The following MYZAP variants were observed in gnomAD, a reference collection of about 807,000 sequenced individuals.
MYZAP encodes the protein GRINL1A complex locus upstream.
MYZAP carries 66 observed loss-of-function variants against 69.4 expected under a neutral mutation model. That is an observed-to-expected ratio of 0.95 (90% CI 0.78 to 1.17). The LOEUF (loss-of-function observed/expected upper bound fraction) is 1.17, where lower values mean the gene tolerates loss of function less well. MYZAP is among the 50% of genes most tolerant of loss of function. The probability of loss-of-function intolerance (pLI) is 0.00; values close to 1 mark genes in which losing one functional copy is unlikely to be tolerated. For missense variants in MYZAP, 611 were observed against 556.2 expected, an observed-to-expected ratio of 1.10 and a Z score of -0.99; for synonymous variants, 256 against 205.9, an observed-to-expected ratio of 1.24 and a Z score of -2.09.
At chr15:57,670,591 A>T (rs1214633467) in intron 11 of MYZAP, among the ~76,000 whole-genome samples, 3 of 152,008 alleles carry the variant, frequency 2.0e-5, no homozygotes, top group African/African-American at 7.2e-5. Flanking sequence ...AATTATATTT[A>T]TATGATTGGA....
intron 10 of MYZAP, chr15:57,646,206 C>T (rs1378784915): frequency 7.8e-7 from 1 of 1,289,324 alleles, no homozygotes; most frequent in South Asian, 1.2e-5. Flanking sequence ...TGGTAGCCTG[C>T]TCTGGGTTGG....
At chr15:57,647,680 G>C (rs1201429974) in intron 10 of MYZAP, 1 of 985,270 alleles carries the variant, frequency 1.0e-6, no homozygotes, top group Non-Finnish European at 1.2e-6. Context: ...GAGGTTCCTA[G>C]AGTACTGCAT....
At chr15:57,668,196 A>G (rs1483232528) in intron 11 of MYZAP, among the ~76,000 whole-genome samples, 1 of 152,328 alleles carries the variant, frequency 6.6e-6, no homozygotes, top group African/African-American at 2.4e-5. Context: ...GACAAAATAC[A>G]TTTGAGTTGT....
chr15:57,608,183 C>G (rs1289585808), intron 2 of MYZAP, among the ~76,000 whole-genome samples: 1 of 152,180 alleles, frequency 6.6e-6, no homozygotes, highest in African/African-American at 2.4e-5. Context: ...ATGAGGGCAG[C>G]CTGGGCCTTC....
chr15:57,595,446 T>C (rs2033992707), intron 1 of MYZAP, among the ~76,000 whole-genome samples: 1 of 152,154 alleles, frequency 6.6e-6, no homozygotes, highest in African/African-American at 2.4e-5. Flanking sequence ...CTTCATGCTT[T>C]TGAAAGGAAT....
At chr15:57,597,553 G>C (rs2034142157) in intron 1 of MYZAP, among the ~76,000 whole-genome samples, 1 of 152,192 alleles carries the variant, frequency 6.6e-6, no homozygotes, top group South Asian at 2.1e-4. Context: ...CGCACTCCAA[G>C]TCACACTGGC....
At chr15:57,655,744 C>T (rs1253082300) in intron 10 of MYZAP, among the ~76,000 whole-genome samples, 2 of 152,154 alleles carry the variant, frequency 1.3e-5, no homozygotes, top group South Asian at 2.1e-4. Context: ...CATATTCAGT[C>T]TGAGTTACAA....
Position 57,675,070 on chromosome 15 carries a change from T to A in MYZAP, c.1304+2T>A. ...AGTGGGCTGTGATCTTCTACCCAGG[T>A]ATTTAGGAATTTCCTGATTTTTTTT... On this transcript the variant is annotated splice_donor_variant, in intron 12 of 12. Coordinates refer to ENST00000267853, the MANE Select transcript of MYZAP (RefSeq NM_001018100.5). LOFTEE classifies it high-confidence loss of function. 1 of 1,589,754 alleles carries A rather than the reference T, an allele frequency of 6.3e-7. No individual in the cohort carries two copies. The highest frequency in any genetic ancestry group is 8.5e-7 in the Non-Finnish European group (1 of 1,170,806).
At chr15:57,668,895 T>TATATATA (rs1491406509) in intron 11 of MYZAP, among the ~76,000 whole-genome samples, 1 of 51,606 alleles carries the variant, frequency 1.9e-5, no homozygotes, top group African/African-American at 8.4e-5. Context: ...TATATATATA[T>TATATATA]TTTTTTTTTT....
chr15:57,623,245 A>G (rs537547335), intron 4 of MYZAP, among the ~76,000 whole-genome samples: 8 of 152,324 alleles, frequency 5.3e-5, no homozygotes, highest in Non-Finnish European at 1.0e-4. Context: ...GCAATTTGCT[A>G]TTACTCTTAC....
intron 10 of MYZAP, chr15:57,648,156 T>A: frequency 3.0e-6 from 3 of 984,140 alleles, no homozygotes; most frequent in Non-Finnish European, 3.6e-6. Flanking sequence ...ATCTAAAATG[T>A]CAATTTTTAG....
chr15:57,639,096 A>G (rs180693034), intron 9 of MYZAP, among the ~76,000 whole-genome samples: 87 of 152,356 alleles, frequency 5.7e-4, no homozygotes, highest in Non-Finnish European at 1.1e-3. Flanking sequence ...AGTAAGAAGA[A>G]TGGATCTTAG....
At chr15:57,615,807 G>C (rs1302714396) in intron 2 of MYZAP, among the ~76,000 whole-genome samples, 1 of 152,224 alleles carries the variant, frequency 6.6e-6, no homozygotes, top group African/African-American at 2.4e-5. Flanking sequence ...GGGCCCAGCT[G>C]TAAGGGACTC....
intron 10 of MYZAP, chr15:57,647,116 C>G (rs1286072543): frequency 3.5e-5 from 34 of 985,322 alleles, no homozygotes; most frequent in Non-Finnish European, 4.1e-5. Context: ...ATCACTCCTT[C>G]ATGGCAAAGC....
intron 1 of MYZAP, among the ~76,000 whole-genome samples, chr15:57,593,999 T>C (rs916512413): frequency 1.3e-5 from 2 of 152,176 alleles, no homozygotes; most frequent in Non-Finnish European, 2.9e-5. Context: ...GAGGCAGACA[T>C]TTTCCCAAAC....
At chr15:57,639,227 G>A (rs74715594) in intron 9 of MYZAP, among the ~76,000 whole-genome samples, 1 of 118,066 alleles carries the variant, frequency 8.5e-6, no homozygotes, top group African/African-American at 3.6e-5. Context: ...TTTTTTTTTT[G>A]TGGAGATGAG....
intron 10 of MYZAP, chr15:57,646,917 G>A: frequency 3.0e-6 from 3 of 985,388 alleles, no homozygotes; most frequent in Non-Finnish European, 3.6e-6. Context: ...TTTTATAGAG[G>A]TCTTTCTTGA....
intron 4 of MYZAP, 140 bp downstream of exon 4, chr15:57,621,840 T>G: frequency 1.4e-6 from 1 of 732,620 alleles, no homozygotes. Flanking sequence ...CTGAGAAAAT[T>G]TTATCACAGA....
chr15:57,669,174 C>G (rs1223623079), intron 11 of MYZAP, among the ~76,000 whole-genome samples: 1 of 152,152 alleles, frequency 6.6e-6, no homozygotes, highest in Non-Finnish European at 1.5e-5. Flanking sequence ...TAGGCATGAG[C>G]CACCATGCCA....
Sources: allele counts gnomAD v4.1 joint callset (sites outside exome capture counted in the v4.1 genomes callset), GRCh38; gene constraint gnomAD v4.1.1; transcripts MANE v1.5; gene names NCBI Gene and HGNC (gene_info 2026-07-23, HGNC 2026-07-21).